PRKDC: variants seen among roughly 807,000 people sequenced by gnomAD.
PRKDC encodes DNA-dependent protein kinase catalytic subunit.
In PRKDC, 82 loss-of-function variants were observed where a neutral mutation model predicts 486.9. That is an observed-to-expected ratio of 0.17 (90% CI 0.14 to 0.20). The LOEUF is 0.20. Among genes scored for constraint, PRKDC ranks in the 10% least tolerant of loss-of-function variants. The pLI, the probability that PRKDC is intolerant of heterozygous loss-of-function variation, is 1.00. For synonymous variants in PRKDC, 1,895 were observed against 1,837.0 expected, an observed-to-expected ratio of 1.03 and a Z score of -0.81; for missense variants, 4,504 against 5,038.2, an observed-to-expected ratio of 0.89 and a Z score of 3.21.
At chr8:47,812,247 A>G (rs888449467) in intron 68 of PRKDC, among the ~76,000 whole-genome samples, 2 of 152,210 alleles carry the variant, frequency 1.3e-5, no homozygotes, top group African/African-American at 4.8e-5. Context: ...CAGTAAAGAC[A>G]TGGAAGATCT....
At chr8:47,877,589 A>G in intron 40 of PRKDC, 135 bp downstream of exon 40, 1 of 931,846 alleles carries the variant, frequency 1.1e-6, no homozygotes, top group Non-Finnish European at 1.5e-6. Context: ...TTTTGTTTTA[A>G]AGACAAAAAA....
At chr8:47,779,238 T>C (rs541902127) in intron 80 of PRKDC, 145 bp from the exon 81 acceptor site, 195 of 585,288 alleles carry the variant, frequency 3.3e-4, no homozygotes, top group East Asian at 3.2e-4. Flanking sequence ...AATATTAACA[T>C]TGAACCCACA....
intron 54 of PRKDC, among the ~76,000 whole-genome samples, chr8:47,843,057 C>A (rs977374785): frequency 9.2e-5 from 14 of 152,134 alleles, no homozygotes; most frequent in Non-Finnish European, 1.8e-4. Context: ...CCCAGCTCCT[C>A]AGGAGACTGA....
intron 71 of PRKDC, among the ~76,000 whole-genome samples, chr8:47,799,615 G>A (rs139165557): frequency 2.2e-3 from 340 of 152,290 alleles, no homozygotes; most frequent in Admixed American, 3.9e-3. Context: ...CAAGCCCAGC[G>A]CGGGCCAGAT....
intron 60 of PRKDC, among the ~76,000 whole-genome samples, 168 bp downstream of exon 60, chr8:47,831,646 A>AG (rs2087878471): frequency 6.6e-6 from 1 of 152,140 alleles, no homozygotes; most frequent in African/African-American, 2.4e-5. Context: ...GAGCGCCATG[A>AG]GGGCTGCATC....
At chr8:47,841,864 GA>G (rs1248186744) in intron 54 of PRKDC, among the ~76,000 whole-genome samples, 4 of 152,192 alleles carry the variant, frequency 2.6e-5, no homozygotes, top group Admixed American at 1.3e-4. Context: ...TACAAGGGCA[GA>G]CACCAGCAGA....
At chr8:47,933,934 T>G in intron 15 of PRKDC, 31 bp downstream of exon 15, 1 of 1,589,188 alleles carries the variant, frequency 6.3e-7, no homozygotes, top group Non-Finnish European at 8.6e-7. Flanking sequence ...GGAAGTAAGG[T>G]ACATTTATGG....
At chr8:47,865,453 C>T (rs1323254502) in intron 40 of PRKDC, among the ~76,000 whole-genome samples, 2 of 152,032 alleles carry the variant, frequency 1.3e-5, no homozygotes, top group Admixed American at 6.6e-5. Flanking sequence ...ACCACCATTG[C>T]TATTTCCCAA....
rs2154499778 is a variant in PRKDC, at chr8:47,837,355, G to A, written c.7618C>T (p.Leu2540=). Residue 2540 remains leucine, a synonymous_variant, in exon 57 of 86, where the codon CTG becomes TTG. Coordinates refer to ENST00000314191, the MANE Select transcript of PRKDC (RefSeq NM_006904.7). The part of the protein sequence containing the change: ...RLPSNTLDRL[L]ALNSLYSPKI... The stretch of plus-strand genomic sequence containing the variant: ...GGAGAATATAAGGAATTTAGTGCCA[G>A]CAACCGGTCCAAGGTATTTGAAGGT... 1 of 1,613,090 alleles carries A rather than the reference G, an allele frequency of 6.2e-7. No homozygotes were observed. Among genetic ancestry groups the A allele is most frequent in the Non-Finnish European group, 8.5e-7 (1 of 1,179,060 alleles).
intron 76 of PRKDC, 103 bp from the exon 77 acceptor site, chr8:47,785,420 G>T (rs756285528): frequency 1.1e-6 from 1 of 915,574 alleles, no homozygotes; most frequent in Non-Finnish European, 1.7e-6. Context: ...AATGGTATAT[G>T]TTTCTTCTCT....
chr8:47,890,612 A>T, intron 31 of PRKDC, 132 bp from the exon 32 acceptor site: 1 of 589,596 alleles, frequency 1.7e-6, no homozygotes, highest in East Asian at 2.8e-5. Context: ...AAAGAAACAA[A>T]CAGCTTAATA....
intron 7 of PRKDC, 72 bp from the exon 8 acceptor site, chr8:47,944,101 G>T: frequency 1.6e-6 from 2 of 1,224,270 alleles, no homozygotes; most frequent in South Asian, 2.6e-5. Flanking sequence ...CAGACAGCTT[G>T]ACACCTATAT....
intron 3 of PRKDC, among the ~76,000 whole-genome samples, 189 bp from the exon 4 acceptor site, chr8:47,956,137 C>A (rs939891645): frequency 6.6e-6 from 1 of 151,876 alleles, no homozygotes; most frequent in Non-Finnish European, 1.5e-5. Flanking sequence ...CGGAGGTAGG[C>A]GATCACCTGA....
intron 62 of PRKDC, 89 bp downstream of exon 62, chr8:47,828,079 T>C (rs1488618419): frequency 1.6e-6 from 2 of 1,288,348 alleles, no homozygotes; most frequent in East Asian, 4.9e-5. Flanking sequence ...TTATCAAGAG[T>C]CTCAACACGG....
chr8:47,799,702 C>T (rs1359257064), intron 71 of PRKDC, among the ~76,000 whole-genome samples: 3 of 152,076 alleles, frequency 2.0e-5, no homozygotes, highest in East Asian at 1.9e-4. Context: ...AGATGGAAGT[C>T]GGCTCCTGCA....
chr8:47,888,032 T>TG (rs1457703889), intron 34 of PRKDC, among the ~76,000 whole-genome samples: 2 of 152,186 alleles, frequency 1.3e-5, no homozygotes, highest in African/African-American at 2.4e-5. Context: ...AATGTTTTTT[T>TG]TTGTTGTTGT....
chr8:47,842,759 T>G (rs1403747158), intron 54 of PRKDC, among the ~76,000 whole-genome samples: 1 of 152,124 alleles, frequency 6.6e-6, no homozygotes, highest in Non-Finnish European at 1.5e-5. Context: ...ATGACAGAAA[T>G]AGAATTCAGA....
At chr8:47,914,148 A>G in intron 23 of PRKDC, 84 bp from the exon 24 acceptor site, 3 of 1,198,516 alleles carry the variant, frequency 2.5e-6, no homozygotes, top group Non-Finnish European at 3.3e-6. Flanking sequence ...AACATTTCTA[A>G]TGCCAGCTGT....
rs2088507829 is a variant in PRKDC, at chr8:47,855,234, G to A, written c.6749C>T (p.Ser2250Phe). Residue 2250 changes from serine (S) to phenylalanine (F), a missense_variant, in exon 50 of 86, where the codon TCC (serine) becomes TTC (phenylalanine). This residue lies in a region of PRKDC where 1,592 missense variants were observed against 1,724.6 expected (regional missense o/e 0.92). Coordinates refer to ENST00000314191, the MANE Select transcript of PRKDC (RefSeq NM_006904.7). Reference protein sequence around the residue: ...TLVECWKDCLSIPYRLIFEKF... With the variant: ...TLVECWKDCLFIPYRLIFEKF... ...CCAGTAAACATACCTATAAGGGATG[G>A]ATAAACAATCCTTCCAGCACTCGAC... 6.2e-7 allele frequency: 1 copy of A among 1,602,110 alleles called. No homozygotes were observed. The highest frequency in any genetic ancestry group is 8.5e-7 in the Non-Finnish European group (1 of 1,174,050).
Sources: gnomAD v4.1 joint callset for allele counts (sites outside exome capture counted in the v4.1 genomes callset) on GRCh38, gnomAD v4.1.1 for gene constraint, gnomAD v4.1.1 regional missense constraint, MANE v1.5 for transcripts, NCBI Gene and HGNC (gene_info 2026-07-23, HGNC 2026-07-21) for gene names.